The following SAMSN1 variants were observed in gnomAD, a reference collection of about 807,000 sequenced individuals.
The protein encoded by SAMSN1 is SAM domain, SH3 domain and nuclear localization signals 1.
In SAMSN1, 31 loss-of-function variants were observed where a neutral mutation model predicts 42.0. The observed-to-expected ratio is 0.74, with a 90% confidence interval of 0.55 to 1.00. SAMSN1 has a LOEUF of 1.00. Ranked by LOEUF, SAMSN1 falls within the 50% of genes least tolerant of loss-of-function variation. The pLI, the probability that SAMSN1 is intolerant of heterozygous loss-of-function variation, is 0.00. For missense variants in SAMSN1, 464 were observed against 439.4 expected (o/e 1.06, Z -0.50); for synonymous variants, 178 against 151.9 (o/e 1.17, Z -1.26).
intron 5 of SAMSN1, among the ~76,000 whole-genome samples, chr21:14,502,276 G>C (rs746587493): frequency 1.3e-5 from 2 of 151,998 alleles, no homozygotes; most frequent in Non-Finnish European, 2.9e-5. Flanking sequence ...TTTAATGAAA[G>C]GGAATCAAAT....
intron 1 of SAMSN1, among the ~76,000 whole-genome samples, chr21:14,647,047 G>A (rs1376378984): frequency 6.6e-6 from 1 of 152,110 alleles, no homozygotes; most frequent in Admixed American, 6.6e-5. Flanking sequence ...GTAATAAATG[G>A]CAAGAGTAAG....
rs745867626 is a variant in SAMSN1, at chr21:14,510,355, C to T, written c.516G>A (p.Thr172=). The change falls in exon 5 of 8, where the codon ACG becomes ACA. Residue 172 remains threonine (T), a synonymous_variant. Transcript: ENST00000400566. The part of the protein sequence containing the change: ...GPFCGRARVH[T]DFTPSPYDTD... ...TGTCATAGGGACTTGGCGTGAAATC[C>T]GTATGCACTCTGGCACGGCCACAGA... 13 of 1,613,956 alleles carry T rather than the reference C, an allele frequency of 8.1e-6. No individual in the cohort carries two copies. The highest frequency in any genetic ancestry group is 1.0e-5 in the Non-Finnish European group (12 of 1,180,006).
chr21:14,545,116 G>A (rs1467715916), intron 1 of SAMSN1, among the ~76,000 whole-genome samples: 2 of 152,106 alleles, frequency 1.3e-5, no homozygotes, highest in Non-Finnish European at 2.9e-5. Context: ...TTATGCATAT[G>A]TGTCAGAAAG....
chr21:14,502,948 A>G (rs1428220888), intron 5 of SAMSN1, among the ~76,000 whole-genome samples: 6 of 152,192 alleles, frequency 3.9e-5, no homozygotes, highest in African/African-American at 1.4e-4. Flanking sequence ...GAAAATTCAT[A>G]CTTTATGCCC....
intron 5 of SAMSN1, among the ~76,000 whole-genome samples, chr21:14,505,707 C>A (rs1356465581): frequency 6.6e-6 from 1 of 152,082 alleles, no homozygotes; most frequent in Non-Finnish European, 1.5e-5. Flanking sequence ...AGAAAGTCAA[C>A]AAAGAAGCAA....
At chr21:14,522,052 A>C (rs2822720) in intron 1 of SAMSN1, among the ~76,000 whole-genome samples, 43,658 of 152,098 alleles carry the variant, frequency 0.29, 6,887 homozygotes, top group Non-Finnish European at 0.35. Context: ...GGTTGGGAGT[A>C]AAATGGAATT....
intron 1 of SAMSN1, chr21:14,523,168 C>A (rs961417862): frequency 1.3e-5 from 2 of 152,108 alleles, no homozygotes; most frequent in East Asian, 1.9e-4. Flanking sequence ...TACAAGGCAA[C>A]TTCAAGGGCT....
At chr21:14,534,477 T>C (rs138594075) in intron 1 of SAMSN1, among the ~76,000 whole-genome samples, 1 of 151,846 alleles carries the variant, frequency 6.6e-6, no homozygotes, top group Non-Finnish European at 1.5e-5. Context: ...AACAGAGAAA[T>C]GTGGAACAAG....
chr21:14,510,243 G>T, intron 5 of SAMSN1, 67 bp downstream of exon 5: 1 of 1,489,984 alleles, frequency 6.7e-7, no homozygotes, highest in Non-Finnish European at 9.3e-7. Context: ...GCTTATACTT[G>T]CTGAAACAGA....
intron 2 of SAMSN1, among the ~76,000 whole-genome samples, chr21:14,565,370 T>A (rs1981084845): frequency 6.6e-6 from 1 of 151,440 alleles, no homozygotes; most frequent in African/African-American, 2.4e-5. Context: ...CAATGACTCA[T>A]CCTCTATTGA....
At chr21:14,511,849 T>C (rs983774416) in intron 4 of SAMSN1, among the ~76,000 whole-genome samples, 1 of 152,228 alleles carries the variant, frequency 6.6e-6, no homozygotes, top group Admixed American at 6.5e-5. Flanking sequence ...TGCCACCTAA[T>C]TGGTCATAGT....
chr21:14,572,556 T>C (rs1398200782), intron 2 of SAMSN1, among the ~76,000 whole-genome samples: 3 of 152,208 alleles, frequency 2.0e-5, no homozygotes. Flanking sequence ...CATGTGCTGT[T>C]TGGGATCTCA....
intron 2 of SAMSN1, among the ~76,000 whole-genome samples, chr21:14,562,602 T>A (rs902164482): frequency 2.6e-5 from 4 of 151,338 alleles, no homozygotes; most frequent in African/African-American, 9.7e-5. Flanking sequence ...GATATTGATA[T>A]TTTTATGATT....
intron 5 of SAMSN1, among the ~76,000 whole-genome samples, chr21:14,608,979 A>G (rs1982633114): frequency 6.6e-6 from 1 of 152,112 alleles, no homozygotes; most frequent in Admixed American, 6.5e-5. Flanking sequence ...ATTACATACT[A>G]TTAATATGTT....
At chr21:14,649,075 G>A (rs1452410569) in intron 1 of SAMSN1, among the ~76,000 whole-genome samples, 1 of 152,024 alleles carries the variant, frequency 6.6e-6, no homozygotes, top group Non-Finnish European at 1.5e-5. Flanking sequence ...ATACACCATG[G>A]AATACTATGC....
chr21:14,488,044 T>C (rs1034913196), intron 7 of SAMSN1, among the ~76,000 whole-genome samples: 3 of 152,166 alleles, frequency 2.0e-5, no homozygotes, highest in Non-Finnish European at 2.9e-5. Flanking sequence ...CCTCATTCTC[T>C]GAAGAATTGC....
At chr21:14,642,888 G>T in intron 2 of SAMSN1, 1 of 583,042 alleles carries the variant, frequency 1.7e-6, no homozygotes, top group East Asian at 2.8e-5. Flanking sequence ...AAAGGAAAAG[G>T]AATAACTTTC....
At chr21:14,558,208 T>C (rs1053592013) in intron 2 of SAMSN1, among the ~76,000 whole-genome samples, 5 of 151,966 alleles carry the variant, frequency 3.3e-5, no homozygotes, top group African/African-American at 1.2e-4. Flanking sequence ...ACTGTATAGG[T>C]GTGCACGTTT....
intron 1 of SAMSN1, chr21:14,523,236 C>T (rs1978608496): frequency 6.6e-6 from 1 of 152,100 alleles, no homozygotes. Context: ...ATTTTTGTTT[C>T]CCTTTTAAAA....
Sources: allele counts gnomAD v4.1 joint callset (sites outside exome capture counted in the v4.1 genomes callset), GRCh38; gene constraint gnomAD v4.1.1; transcripts MANE v1.5; gene names NCBI Gene and HGNC (gene_info 2026-07-23, HGNC 2026-07-21).